TMEM202: variants seen among roughly 807,000 people sequenced by gnomAD.
The protein encoded by TMEM202 is transmembrane protein 202.
Under a neutral mutation model 26.1 loss-of-function variants are expected in TMEM202, and 25 were observed. The observed-to-expected ratio is 0.96, with a 90% confidence interval of 0.70 to 1.34. The LOEUF is 1.34. Among genes scored for constraint, TMEM202 ranks in the 40% most tolerant of loss-of-function variants. The pLI is 0.00. For synonymous variants in TMEM202, 122 were observed against 119.0 expected (o/e 1.02, Z -0.16); for missense variants, 301 against 327.7 (o/e 0.92, Z 0.63).
intron 2 of TMEM202, among the ~76,000 whole-genome samples, chr15:72,404,300 AG>A (rs1230440104): frequency 6.6e-6 from 1 of 152,134 alleles, no homozygotes; most frequent in Admixed American, 6.6e-5. Flanking sequence ...CTGTGGTCCC[AG>A]CTACTCAAGA....
rs1201437669 is a variant in TMEM202, at chr15:72,402,973, TGAAAGCGGTCACAATGGCAGCAGCGTG to T, written c.338-3625_338-3599del. On this transcript the variant is annotated intron_variant, in intron 2 of 4. Transcript: ENST00000341689. ...AAGTTGTATGTTGCCTTCCGTGCCTTGAAAGCGGTCACAATGGCAGCAGCGTGGAAGTTCAGATTTGGCTAAATAAGT... is the reference window on the plus strand; with the variant it reads ...AAGTTGTATGTTGCCTTCCGTGCCTTGAAGTTCAGATTTGGCTAAATAAGT... Among the ~76,000 whole-genome samples, 31 of 152,278 alleles carry T rather than the reference TGAAAGCGGTCACAATGGCAGCAGCGTG, an allele frequency of 2.0e-4. No homozygotes were observed. The East Asian group carries it at 5.6e-3, about 27-fold the overall frequency.
intron 2 of TMEM202, among the ~76,000 whole-genome samples, chr15:72,403,716 A>G (rs1162968438): frequency 6.6e-6 from 1 of 152,240 alleles, no homozygotes; most frequent in African/African-American, 2.4e-5. Context: ...TTATTTATTT[A>G]GAGTAATATG....
rs755406614 is a variant in TMEM202, at chr15:72,407,168, A to G, written c.570A>G (p.Leu190=). The G allele has an allele frequency of 2.5e-6, 4 of 1,613,660 alleles. No homozygotes were observed. The highest frequency in any genetic ancestry group is 2.2e-5 in the East Asian group (1 of 44,876). The stretch of plus-strand genomic sequence containing the variant: ...GGGATGCCATGGAGTCAGATCTCCT[A>G]TGGACCTATTATCTTAACTGGTGCA... ...HTRDAMESDL[L]WTYYLNWCSD... The change falls in exon 4 of 5, where the codon CTA becomes CTG. Residue 190 remains leucine (L), a synonymous_variant. Transcript: ENST00000341689.
rs2063582711 is a variant in TMEM202, at chr15:72,408,156, A to C, written c.*263A>C. The C allele has an allele frequency of 2.4e-6, 1 of 413,426 alleles. No individual in the cohort carries two copies. Among genetic ancestry groups the C allele is most frequent in the African/African-American group, 2.0e-5 (1 of 49,538 alleles). The allele number at this position is 413,426 out of a possible 1,614,324, so 25.6% of individuals were successfully genotyped here. A position where few individuals can be genotyped will look rare whatever the true frequency, so the allele number is the denominator to read the frequency against. On this transcript the variant is annotated 3_prime_UTR_variant, in exon 5 of 5. Transcript: ENST00000341689. ...AATGAAAGAAACTAGTGAAAGATGCAGTGTGTAGACCAGAGACCTCTTTGG... is the reference window on the plus strand; with the variant it reads ...AATGAAAGAAACTAGTGAAAGATGCCGTGTGTAGACCAGAGACCTCTTTGG...
At position 72,407,595 on chromosome 15, in the gene TMEM202, G is replaced by T. The variant is rs932034326; in HGVS notation, c.620-96G>T. ...GGAGAGAGGGGTTCACTGAAAAGATGCCTCTTGAACTGGTTATTAAAGGAT... is the reference window on the plus strand; with the variant it reads ...GGAGAGAGGGGTTCACTGAAAAGATTCCTCTTGAACTGGTTATTAAAGGAT... On this transcript the variant is annotated intron_variant, in intron 4 of 4. Coordinates refer to ENST00000341689, the MANE Select transcript of TMEM202 (RefSeq NM_001080462.3). 26 of 1,081,978 alleles carry T rather than the reference G, an allele frequency of 2.4e-5. No individual in the cohort carries two copies. In the African/African-American group the frequency reaches 3.7e-4, roughly 16 times the overall value. The allele number at this position is 1,081,978 out of a possible 1,614,324, so 67.0% of individuals were successfully genotyped here. A position where few individuals can be genotyped will look rare whatever the true frequency, so the allele number is the denominator to read the frequency against.
chr15:72,407,319 T>C (rs1304667127), intron 4 of TMEM202, 102 bp downstream of exon 4: 9 of 1,343,082 alleles, frequency 6.7e-6, no homozygotes, highest in Non-Finnish European at 9.3e-6. Context: ...CTGTTCCTTT[T>C]CAGAACACTG....
rs1397620852 is a variant in TMEM202 at position 72,402,883 on chromosome 15, GTCTCCACCCAGGATCATTTCCAT to G, written c.338-3716_338-3694del. 3.3e-5 allele frequency among the ~76,000 whole-genome samples: 5 copies of G among 152,206 alleles called. No homozygotes were observed. The East Asian group carries it at 5.8e-4, about 18-fold the overall frequency. ...CATAGATACCTCTTCAGGGTCCTAA[GTCTCCACCCAGGATCATTTCCAT>G]TCCAAAACCACCCACTTGGGGCACC... On this transcript the variant is annotated intron_variant, in intron 2 of 4. Transcript: ENST00000341689.
chr15:72,407,972 T>C lies in TMEM202; in HGVS notation c.*79T>C. The C allele has an allele frequency of 8.6e-7, 1 of 1,162,956 alleles. No individual in the cohort carries two copies. The highest frequency in any genetic ancestry group is 1.4e-5 in the South Asian group (1 of 71,866). 72.0% of individuals were successfully genotyped at this position (1,162,956 alleles called of 1,614,324 possible). A position where few individuals can be genotyped will look rare whatever the true frequency, so the allele number is the denominator to read the frequency against. Reference sequence around the variant, plus strand: ...AATGGTCACATAAATTCTGGGAAACTCTCCTAATATCATGTCCATATTACT... The same window carrying C: ...AATGGTCACATAAATTCTGGGAAACCCTCCTAATATCATGTCCATATTACT... On this transcript the variant is annotated 3_prime_UTR_variant, in exon 5 of 5. Coordinates refer to ENST00000341689, the MANE Select transcript of TMEM202 (RefSeq NM_001080462.3).
chr15:72,399,715 G>A (rs2063538875), intron 2 of TMEM202, among the ~76,000 whole-genome samples: 1 of 152,130 alleles, frequency 6.6e-6, no homozygotes, highest in African/African-American at 2.4e-5. Flanking sequence ...ATCTGAAAGT[G>A]CAACACAAAA....
chr15:72,407,339 G>A, intron 4 of TMEM202, 122 bp downstream of exon 4: 1 of 1,171,546 alleles, frequency 8.5e-7, no homozygotes, highest in African/African-American at 1.5e-5. Flanking sequence ...GATACTTGGA[G>A]AGTCAGGGGG....
At chr15:72,405,592 C>T (rs1475959317) in intron 2 of TMEM202, among the ~76,000 whole-genome samples, 3 of 151,994 alleles carry the variant, frequency 2.0e-5, no homozygotes, top group Admixed American at 2.0e-4. Context: ...TGAGATAGGA[C>T]TTTGGGGGAC....
intron 3 of TMEM202, 85 bp downstream of exon 3, chr15:72,406,836 T>C: frequency 6.9e-7 from 1 of 1,444,110 alleles, no homozygotes; most frequent in Non-Finnish European, 9.5e-7. Context: ...CATACTCTTT[T>C]TCTTATCTCT....
chr15:72,406,684 G>T lies in TMEM202; in HGVS notation c.420G>T (p.Trp140Cys), dbSNP rs1213282088. 1 of 1,614,080 alleles carries T rather than the reference G, an allele frequency of 6.2e-7. No individual in the cohort carries two copies. Among genetic ancestry groups the T allele is most frequent in the Non-Finnish European group, 8.5e-7 (1 of 1,180,002 alleles). ...LTGLGWLFSSWILNRGSMTTN... is the reference protein window; with the variant it reads ...LTGLGWLFSSCILNRGSMTTN... ...GCCTTGGCTGGCTCTTCAGCTCTTG[G>T]ATCCTTAATCGAGGAAGCATGACCA... is the stretch of plus-strand genomic sequence containing the variant. The change falls in exon 3 of 5, where the codon TGG becomes TGT. Residue 140 changes from tryptophan to cysteine, a missense_variant. Transcript: ENST00000341689.
chr15:72,399,026 G>A (rs2063535629), intron 2 of TMEM202, 118 bp downstream of exon 2: 4 of 1,217,738 alleles, frequency 3.3e-6, no homozygotes, highest in Non-Finnish European at 4.6e-6. Context: ...CTCTCCAAGT[G>A]CAGGATGGAT....
At chr15:72,399,231 G>T (rs114738863) in intron 2 of TMEM202, among the ~76,000 whole-genome samples, 67 of 152,316 alleles carry the variant, frequency 4.4e-4, no homozygotes, top group African/African-American at 1.5e-3. Flanking sequence ...TCCACCTCCA[G>T]GACTCAAGCA....
At chr15:72,400,736 A>T (rs1359134827) in intron 2 of TMEM202, among the ~76,000 whole-genome samples, 1 of 151,466 alleles carries the variant, frequency 6.6e-6, no homozygotes, top group African/African-American at 2.4e-5. Flanking sequence ...ATTCAAGATG[A>T]GTCCATAGAG....
intron 2 of TMEM202, among the ~76,000 whole-genome samples, chr15:72,399,244 C>A (rs961224292): frequency 3.9e-5 from 6 of 152,236 alleles, no homozygotes; most frequent in African/African-American, 7.2e-5. Flanking sequence ...CTCAAGCAAT[C>A]TTCCTGTTCA....
chr15:72,406,036 A>G (rs1236758188), intron 2 of TMEM202, among the ~76,000 whole-genome samples: 1 of 152,222 alleles, frequency 6.6e-6, no homozygotes, highest in African/African-American at 2.4e-5. Context: ...GAACTAAACA[A>G]TGGGTAAGTC....
At chr15:72,402,963 T>C (rs1465501139) in intron 2 of TMEM202, among the ~76,000 whole-genome samples, 1 of 152,196 alleles carries the variant, frequency 6.6e-6, no homozygotes, top group Non-Finnish European at 1.5e-5. Flanking sequence ...GTATGTTGCC[T>C]TCCGTGCCTT....
Sources: gnomAD v4.1 joint callset for allele counts (sites outside exome capture counted in the v4.1 genomes callset) on GRCh38, gnomAD v4.1.1 for gene constraint, MANE v1.5 for transcripts, NCBI Gene and HGNC (gene_info 2026-07-23, HGNC 2026-07-21) for gene names.